Variants in FAN1 observed in about 807,000 individuals in gnomAD.
FAN1 encodes FANCD2 and FANCI associated nuclease 1.
Under a neutral mutation model 104.9 loss-of-function variants are expected in FAN1, and 91 were observed. The ratio of observed to expected loss-of-function variants is 0.87; its 90% CI spans 0.73 to 1.03. The LOEUF (loss-of-function observed/expected upper bound fraction) is 1.03, where lower values mean the gene tolerates loss of function less well. FAN1 is among the 50% of genes least tolerant of loss of function. The pLI, the probability that FAN1 is intolerant of heterozygous loss-of-function variation, is 0.00. For missense variants in FAN1, 1,263 were observed against 1,239.9 expected, an observed-to-expected ratio of 1.02 and a Z score of -0.28; for synonymous variants, 478 against 457.6, an observed-to-expected ratio of 1.04 and a Z score of -0.57.
At position 30,941,290 on chromosome 15, in the gene FAN1, ATC is replaced by A. The variant is rs761545924; in HGVS notation, c.*4-270_*4-269del. On this transcript the variant is annotated intron_variant, in intron 14 of 14. Transcript: ENST00000362065. ...GAAAGAGGACAGGAACAAAATTTACATCTCTCTTAAAATAAGTGTGAAAGAAG... is the reference window on the plus strand; with the variant it reads ...GAAAGAGGACAGGAACAAAATTTACATCTCTTAAAATAAGTGTGAAAGAAG... The A allele has an allele frequency of 9.9e-6, 15 of 1,510,862 alleles. No individual in the cohort carries two copies. The South Asian group carries it at 1.4e-4, about 15-fold the overall frequency. The allele number at this position is 1,510,862 out of a possible 1,614,324, so 93.6% of individuals were successfully genotyped here.
chr15:30,937,741 A>AGCCAC (rs2062901905), intron 14 of FAN1, among the ~76,000 whole-genome samples: 1 of 151,764 alleles, frequency 6.6e-6, no homozygotes, highest in Admixed American at 6.6e-5. Flanking sequence ...ACAGGCATTG[A>AGCCAC]GCCACTGTAC....
intron 5 of FAN1, among the ~76,000 whole-genome samples, chr15:30,915,789 A>G (rs905845637): frequency 2.6e-5 from 4 of 152,226 alleles, no homozygotes; most frequent in Non-Finnish European, 5.9e-5. Context: ...GCAGGTTTTG[A>G]TAAGAAAGAA....
chr15:30,924,619 T>C (rs921799124), intron 8 of FAN1, among the ~76,000 whole-genome samples: 16 of 152,222 alleles, frequency 1.1e-4, no homozygotes, highest in African/African-American at 2.7e-4. Context: ...CTCCAAACCT[T>C]TGGCTCCTGT....
chr15:30,941,449 A>G, intron 14 of FAN1, 117 bp from the exon 15 acceptor site: 1 of 1,580,146 alleles, frequency 6.3e-7, no homozygotes. Flanking sequence ...TTCCCTCAAA[A>G]TGTTCAGAAA....
chr15:30,931,506 A>C (rs1162390824), intron 13 of FAN1, among the ~76,000 whole-genome samples: 1 of 152,226 alleles, frequency 6.6e-6, no homozygotes, highest in Non-Finnish European at 1.5e-5. Flanking sequence ...GCCTAATCCA[A>C]GGTCACAAAG....
Position 30,910,017 on chromosome 15 carries a change from G to A in FAN1, c.1376-597G>A, listed in dbSNP as rs72710404. On this transcript the variant is annotated intron_variant, in intron 3 of 14. Transcript: ENST00000362065. Reference sequence around the variant, plus strand: ...ATTTCTTTCACTGTAGCATGCCCGGGGCCTTAGAACATTACCAGGCCGACA... The same window carrying A: ...ATTTCTTTCACTGTAGCATGCCCGGAGCCTTAGAACATTACCAGGCCGACA... 9.1e-3 allele frequency among the ~76,000 whole-genome samples: 1,385 copies of A among 152,282 alleles called. 18 individuals carry two copies. The highest frequency in any genetic ancestry group is 0.044 in the East Asian group (228 of 5,188).
At position 30,910,602 on chromosome 15, in the gene FAN1, T is replaced by TA. The variant is rs770306947; in HGVS notation, c.1376-10dup. 2.8e-5 allele frequency: 42 copies of TA among 1,495,232 alleles called. No individual in the cohort carries two copies. Among genetic ancestry groups the TA allele is most frequent in the Non-Finnish European group, 3.5e-5 (39 of 1,114,824 alleles). The allele number at this position is 1,495,232 out of a possible 1,614,324, so 92.6% of individuals were successfully genotyped here. ...TAAAATTTAAAAAAACTTTTTTTTT[T>TA]AACCATTTCAGAATCTGAGTTGCAA... On this transcript the variant is annotated splice_polypyrimidine_tract_variant and intron_variant, in intron 3 of 14. Coordinates refer to ENST00000362065, the MANE Select transcript of FAN1 (RefSeq NM_014967.5).
rs2062384942 is a variant in FAN1 at position 30,923,486 on chromosome 15, C to T, written c.2172+1132C>T. Among the ~76,000 whole-genome samples, 3 of 152,236 alleles carry T rather than the reference C, an allele frequency of 2.0e-5. No individual in the cohort carries two copies. The South Asian group carries it at 6.2e-4, about 31-fold the overall frequency. ...TTGAGCTAAGCCTAGTTCCTCCTAA[C>T]CTCTGTTTCCAGAGGTCTTACTGGC... is the stretch of plus-strand genomic sequence containing the variant. On this transcript the variant is annotated intron_variant, in intron 8 of 14. Transcript: ENST00000362065.
intron 13 of FAN1, 124 bp downstream of exon 13, chr15:30,930,795 AGGGCCTGGGTTCCTGT>A: frequency 1.6e-6 from 2 of 1,242,408 alleles, no homozygotes; most frequent in Non-Finnish European, 2.3e-6. Flanking sequence ...TTTTGGGCCG[AGGGCCTGGGTTCCTGT>A]GGGCCTGTCC....
At chr15:30,909,791 G>A (rs536135808) in intron 3 of FAN1, among the ~76,000 whole-genome samples, 10 of 152,180 alleles carry the variant, frequency 6.6e-5, no homozygotes, top group African/African-American at 9.7e-5. Context: ...GTGGCCACAC[G>A]GCATAGTTCT....
At chr15:30,929,672 A>T (rs541398150) in intron 12 of FAN1, among the ~76,000 whole-genome samples, 1,141 of 68,306 alleles carry the variant, frequency 0.017, 21 homozygotes, top group Non-Finnish European at 0.026. Flanking sequence ...GAAATATATA[A>T]TATATCATAT....
At chr15:30,934,448 A>G (rs915676207) in intron 13 of FAN1, among the ~76,000 whole-genome samples, 2 of 152,236 alleles carry the variant, frequency 1.3e-5, no homozygotes, top group African/African-American at 4.8e-5. Flanking sequence ...TTAAATCCTG[A>G]TACTTATTTT....
At position 30,925,795 on chromosome 15, in the gene FAN1, A is replaced by C; in HGVS notation, c.2344A>C (p.Ile782Leu). Residue 782 changes from isoleucine to leucine, a missense_variant, in exon 10 of 15, where the codon ATC (isoleucine) becomes CTC (leucine). Physicochemically the swap from Ile to Leu is conservative, Grantham distance 5 (BLOSUM62 2). Transcript: ENST00000362065. ...TATTCTGCTGCTGTTTCAGGTGACC[A>C]TCACAGGCAGGCTGTGCCCACAGCG... ...MAVQDVKHVT[I>L]TGRLCPQRGM... 6.2e-7 allele frequency: 1 copy of C among 1,614,166 alleles called. No homozygotes were observed.
Position 30,925,310 on chromosome 15 carries a change from G to T in FAN1, c.2337+19G>T. The T allele has an allele frequency of 6.2e-7, 1 of 1,610,022 alleles. No homozygotes were observed. The highest frequency in any genetic ancestry group is 8.5e-7 in the Non-Finnish European group (1 of 1,177,480). On this transcript the variant is annotated intron_variant, in intron 9 of 14. Coordinates refer to ENST00000362065, the MANE Select transcript of FAN1 (RefSeq NM_014967.5). Reference sequence around the variant, plus strand: ...GAAACACGTGAGGAAAGAGCCTGTGGGTGCTTTGGACTTAGGCGCGTGTAC... The same window carrying T: ...GAAACACGTGAGGAAAGAGCCTGTGTGTGCTTTGGACTTAGGCGCGTGTAC...
At position 30,928,539 on chromosome 15, in the gene FAN1, T is replaced by TGTGTGTGTGTGTGA; in HGVS notation, c.2489-13_2489-12insTGTGTGTGTGTGAG. On this transcript the variant is annotated splice_polypyrimidine_tract_variant and intron_variant, in intron 10 of 14. Coordinates refer to ENST00000362065, the MANE Select transcript of FAN1 (RefSeq NM_014967.5). ...GTGTGTGTGTGTGTGTGTGTGTGTG[T>TGTGTGTGTGTGTGA]GACCTTGTCTTAGGGATTCATGGCG... The TGTGTGTGTGTGTGA allele has an allele frequency of 6.2e-7, 1 of 1,611,322 alleles. No homozygotes were observed. Among genetic ancestry groups the TGTGTGTGTGTGTGA allele is most frequent in the African/African-American group, 1.3e-5 (1 of 74,908 alleles).
intron 12 of FAN1, 98 bp from the exon 13 acceptor site, chr15:30,930,445 C>T: frequency 1.4e-6 from 2 of 1,416,014 alleles, no homozygotes; most frequent in Non-Finnish European, 1.9e-6. Context: ...CACTGAATTA[C>T]ATATACACTG....
chr15:30,931,191 C>G (rs1297351750), intron 13 of FAN1, among the ~76,000 whole-genome samples: 1 of 152,184 alleles, frequency 6.6e-6, no homozygotes, highest in Admixed American at 6.5e-5. Flanking sequence ...TATACATCTA[C>G]TATGTACCCA....
intron 14 of FAN1, chr15:30,939,416 GGCAGAGGTGGTATAA>G (rs2062963558): frequency 1.0e-5 from 10 of 985,434 alleles, no homozygotes; most frequent in Non-Finnish European, 1.2e-5. Context: ...TCCCTCTGAC[GGCAGAGGTGGTATAA>G]GCAGCTTCAC....
chr15:30,910,019 C>T (rs1159454391), intron 3 of FAN1, among the ~76,000 whole-genome samples: 2 of 152,232 alleles, frequency 1.3e-5, no homozygotes, highest in African/African-American at 2.4e-5. Context: ...ATGCCCGGGG[C>T]CTTAGAACAT....
Sources: allele counts gnomAD v4.1 joint callset (sites outside exome capture counted in the v4.1 genomes callset), GRCh38; gene constraint gnomAD v4.1.1; transcripts MANE v1.5; gene names NCBI Gene and HGNC (gene_info 2026-07-23, HGNC 2026-07-21).